The following PRKCE variants were observed in gnomAD, a reference collection of about 807,000 sequenced individuals.
PRKCE encodes protein kinase C epsilon.
A neutral mutation model predicts 85.4 loss-of-function variants in PRKCE; 16 were observed. The observed-to-expected ratio is 0.19, with a 90% confidence interval of 0.13 to 0.28. The LOEUF is 0.28. Ranked by LOEUF, PRKCE falls within the 10% of genes least tolerant of loss-of-function variation. The pLI, the probability that PRKCE is intolerant of heterozygous loss-of-function variation, is 1.00. For synonymous variants in PRKCE, 388 were observed against 371.5 expected (o/e 1.04, Z -0.51); for missense variants, 573 against 975.2 (o/e 0.59, Z 5.49).
chr2:46,158,807 T>C (rs1016565937), intron 13 of PRKCE, among the ~76,000 whole-genome samples: 3 of 152,192 alleles, frequency 2.0e-5, no homozygotes, highest in Non-Finnish European at 4.4e-5. Context: ...GCACTTTTTT[T>C]CCCCAAGGTT....
chr2:45,862,372 G>C (rs1044432868), intron 2 of PRKCE, among the ~76,000 whole-genome samples: 1 of 152,126 alleles, frequency 6.6e-6, no homozygotes, highest in Admixed American at 6.5e-5. Flanking sequence ...TCCCTCTCCA[G>C]TGGAACTTGG....
chr2:46,045,599 C>G (rs555847630), intron 10 of PRKCE, among the ~76,000 whole-genome samples: 1 of 152,336 alleles, frequency 6.6e-6, no homozygotes, highest in South Asian at 2.1e-4. Flanking sequence ...AAGCATATGG[C>G]TGGGCATGGT....
intron 6 of PRKCE, among the ~76,000 whole-genome samples, chr2:45,996,736 T>A (rs572363622): frequency 6.6e-6 from 1 of 152,286 alleles, no homozygotes; most frequent in Admixed American, 6.5e-5. Flanking sequence ...TGGATTCAAT[T>A]TGCTGATTGT....
chr2:46,054,853 G>A (rs1012194562), intron 10 of PRKCE, among the ~76,000 whole-genome samples: 1 of 152,136 alleles, frequency 6.6e-6, no homozygotes, highest in Non-Finnish European at 1.5e-5. Context: ...AGAAGAAGCA[G>A]CTGTGCATCA....
intron 10 of PRKCE, chr2:46,077,882 A>G (rs545468124): frequency 9.8e-5 from 15 of 152,358 alleles, no homozygotes; most frequent in African/African-American, 3.6e-4. Context: ...TGTAGTTCAC[A>G]CATAGTCTGT....
At chr2:45,834,900 G>A (rs1690728934) in intron 1 of PRKCE, among the ~76,000 whole-genome samples, 1 of 152,186 alleles carries the variant, frequency 6.6e-6, no homozygotes, top group African/African-American at 2.4e-5. Context: ...ATATGAGGAA[G>A]TTCAGATCCA....
chr2:45,933,187 T>C (rs937716105), intron 2 of PRKCE, among the ~76,000 whole-genome samples: 33 of 152,192 alleles, frequency 2.2e-4, no homozygotes, highest in African/African-American at 7.2e-4. Flanking sequence ...TTAAAAAAGA[T>C]GATTTTTAGA....
chr2:46,101,443 G>C (rs1671213743), intron 11 of PRKCE, among the ~76,000 whole-genome samples: 1 of 152,174 alleles, frequency 6.6e-6, no homozygotes, highest in Non-Finnish European at 1.5e-5. Flanking sequence ...AGTGGCCCAA[G>C]GAGTGGGAAT....
chr2:46,080,884 A>G (rs1669002774), intron 10 of PRKCE, among the ~76,000 whole-genome samples: 1 of 152,154 alleles, frequency 6.6e-6, no homozygotes, highest in South Asian at 2.1e-4. Flanking sequence ...GTGGGCACCC[A>G]GCTCCAGGTT....
chr2:46,130,679 C>A (rs956142167), intron 11 of PRKCE, among the ~76,000 whole-genome samples: 1 of 152,222 alleles, frequency 6.6e-6, no homozygotes, highest in Non-Finnish European at 1.5e-5. Context: ...GAGAAATATT[C>A]CTTCCGCAGA....
intron 2 of PRKCE, among the ~76,000 whole-genome samples, chr2:45,973,270 G>A (rs1239907110): frequency 6.6e-6 from 1 of 152,130 alleles, no homozygotes; most frequent in African/African-American, 2.4e-5. Context: ...CTCCACCTGT[G>A]GGTGACAGTG....
chr2:45,702,791 A>T (rs564065012), intron 1 of PRKCE, among the ~76,000 whole-genome samples: 1 of 151,982 alleles, frequency 6.6e-6, no homozygotes, highest in Non-Finnish European at 1.5e-5. Flanking sequence ...TCTCTTTTCC[A>T]TTTCTTTCCT....
chr2:46,030,713 T>A (rs1707454948), intron 10 of PRKCE, among the ~76,000 whole-genome samples: 1 of 152,200 alleles, frequency 6.6e-6, no homozygotes, highest in Non-Finnish European at 1.5e-5. Flanking sequence ...TGTAATTATG[T>A]CCCAACGAAA....
At chr2:45,672,107 G>A (rs1231186812) in intron 1 of PRKCE, among the ~76,000 whole-genome samples, 9 of 149,918 alleles carry the variant, frequency 6.0e-5, no homozygotes, top group Admixed American at 6.0e-4. Context: ...AAATCCAGTA[G>A]AGACAGAAAA....
intron 1 of PRKCE, among the ~76,000 whole-genome samples, chr2:45,705,169 C>G (rs1373096569): frequency 6.6e-6 from 1 of 152,178 alleles, no homozygotes; most frequent in African/African-American, 2.4e-5. Flanking sequence ...TGTCTTTTAC[C>G]ACCATATTTC....
chr2:46,001,354 C>G lies in PRKCE; in HGVS notation c.824-50C>G. 6.6e-7 allele frequency: 1 copy of G among 1,522,010 alleles called. No homozygotes were observed. The highest frequency in any genetic ancestry group is 8.8e-7 in the Non-Finnish European group (1 of 1,132,102). 94.3% of individuals were successfully genotyped at this position (1,522,010 alleles called of 1,614,324 possible). ...ATACAATCTCAAAGAAAAGAAGCAA[C>G]ATCTTAGGCCATGAACACTTATCTG... On this transcript the variant is annotated intron_variant, in intron 6 of 14. Coordinates refer to ENST00000306156, the MANE Select transcript of PRKCE (RefSeq NM_005400.3). The surrounding 1 kb of genome is among the most constrained non-coding windows in gnomAD (Gnocchi z 4.4).
intron 2 of PRKCE, among the ~76,000 whole-genome samples, chr2:45,911,327 C>T (rs1395310174): frequency 6.6e-6 from 1 of 152,184 alleles, no homozygotes; most frequent in Non-Finnish European, 1.5e-5. Flanking sequence ...ACTGAGAATA[C>T]AAACCAGGGC....
At chr2:45,935,447 T>C (rs1436398660) in intron 2 of PRKCE, among the ~76,000 whole-genome samples, 3 of 152,196 alleles carry the variant, frequency 2.0e-5, no homozygotes, top group Admixed American at 6.5e-5. Context: ...TACTATACCA[T>C]GTTTATAAAC....
chr2:45,763,500 G>T (rs1684677887), intron 1 of PRKCE, among the ~76,000 whole-genome samples: 1 of 152,124 alleles, frequency 6.6e-6, no homozygotes, highest in African/African-American at 2.4e-5. Flanking sequence ...AATTGTTAAG[G>T]CTTTGCTCAC....
Sources: allele counts gnomAD v4.1 joint callset (sites outside exome capture counted in the v4.1 genomes callset), GRCh38; gene constraint gnomAD v4.1.1; non-coding constraint Gnocchi (gnomAD v3.1); transcripts MANE v1.5; gene names NCBI Gene and HGNC (gene_info 2026-07-23, HGNC 2026-07-21).